The following SPAST variants were observed in gnomAD, a reference collection of about 807,000 sequenced individuals.
The protein encoded by SPAST is spastin, also known as spastic paraplegia 4 (autosomal dominant; spastin).
In SPAST, 30 loss-of-function variants were observed where a neutral mutation model predicts 76.6. The observed-to-expected ratio is 0.39, with a 90% confidence interval of 0.29 to 0.53. SPAST has a LOEUF of 0.53. SPAST is among the 20% of genes least tolerant of loss of function. The pLI, the probability that SPAST is intolerant of heterozygous loss-of-function variation, is 0.68. For missense variants in SPAST, 717 were observed against 770.5 expected, an observed-to-expected ratio of 0.93 and a Z score of 0.82; for synonymous variants, 305 against 281.0, an observed-to-expected ratio of 1.09 and a Z score of -0.86.
At chr2:32,088,207 T>G (rs570058375) in intron 2 of SPAST, among the ~76,000 whole-genome samples, 2 of 151,582 alleles carry the variant, frequency 1.3e-5, no homozygotes, top group Admixed American at 6.6e-5. Flanking sequence ...TTAAAAAAAA[T>G]TTTTTTGTAG....
Position 32,069,640 on chromosome 2 carries a change from C to A in SPAST, c.415+5394C>A, listed in dbSNP as rs571845603. On this transcript the variant is annotated intron_variant, in intron 1 of 16. Transcript: ENST00000315285. ...GGCGAGATCTCAGCTCGCTGCAAGC[C>A]CCGCCTCCCACGTTCACGCCATTTT... Among the ~76,000 whole-genome samples the A allele has an allele frequency of 2.0e-5, 3 of 151,512 alleles. No homozygotes were observed. In the South Asian group the frequency reaches 6.3e-4, roughly 32 times the overall value.
intron 12 of SPAST, among the ~76,000 whole-genome samples, chr2:32,138,861 T>C (rs1679625976): frequency 6.6e-6 from 1 of 152,180 alleles, no homozygotes; most frequent in Admixed American, 6.5e-5. Context: ...AGGGTCCAGT[T>C]TCATTTTTCT....
intron 1 of SPAST, among the ~76,000 whole-genome samples, 197 bp downstream of exon 1, chr2:32,064,443 A>G (rs1207846318): frequency 1.3e-5 from 2 of 152,120 alleles, no homozygotes; most frequent in Non-Finnish European, 2.9e-5. Flanking sequence ...CTTTCAGGGC[A>G]CTGTAGCTGT....
At chr2:32,108,656 G>A (rs1173079438) in intron 4 of SPAST, among the ~76,000 whole-genome samples, 1 of 151,260 alleles carries the variant, frequency 6.6e-6, no homozygotes, top group African/African-American at 2.4e-5. Flanking sequence ...TCCCCATGTT[G>A]GCCAGTCTGG....
intron 9 of SPAST, among the ~76,000 whole-genome samples, chr2:32,132,143 A>C (rs1356636351): frequency 6.6e-6 from 1 of 152,148 alleles, no homozygotes; most frequent in Non-Finnish European, 1.5e-5. Context: ...TAATCCCAGC[A>C]CTTTGGGAGG....
chr2:32,148,169 G>A (rs1442024478), intron 16 of SPAST, among the ~76,000 whole-genome samples: 1 of 151,890 alleles, frequency 6.6e-6, no homozygotes, highest in Non-Finnish European at 1.5e-5. Flanking sequence ...TTGGCCTCAA[G>A]TAATCCTCCT....
intron 1 of SPAST, among the ~76,000 whole-genome samples, chr2:32,077,025 G>A (rs1676989377): frequency 6.6e-6 from 1 of 152,042 alleles, no homozygotes; most frequent in Admixed American, 6.6e-5. Context: ...ACAGGCGCCT[G>A]CCACCATGCC....
chr2:32,154,033 A>C (rs1021979245), intron 16 of SPAST, among the ~76,000 whole-genome samples: 2 of 152,128 alleles, frequency 1.3e-5, no homozygotes, highest in African/African-American at 4.8e-5. Context: ...TGAGTGGTGA[A>C]ATTGTGATTC....
At chr2:32,125,003 C>G (rs902822700) in intron 7 of SPAST, among the ~76,000 whole-genome samples, 1 of 152,008 alleles carries the variant, frequency 6.6e-6, no homozygotes, top group African/African-American at 2.4e-5. Flanking sequence ...GAATATAAAA[C>G]ATAAGAGTGA....
chr2:32,102,711 G>T (rs995746753), intron 4 of SPAST, among the ~76,000 whole-genome samples: 1 of 152,078 alleles, frequency 6.6e-6, no homozygotes, highest in Non-Finnish European at 1.5e-5. Context: ...GGCCTTTTCT[G>T]CATCTATTGA....
At chr2:32,088,419 C>T (rs986948192) in intron 2 of SPAST, among the ~76,000 whole-genome samples, 15 of 151,952 alleles carry the variant, frequency 9.9e-5, no homozygotes, top group East Asian at 3.9e-4. Context: ...CCGAGGTGGG[C>T]GAATCACCTG....
In SPAST at chr2:32,117,260, A is replaced by G. The variant is rs184884241; in HGVS notation, c.1098+1048A>G. 1.8e-3 allele frequency among the ~76,000 whole-genome samples: 269 copies of G among 152,228 alleles called. 2 individuals carry two copies. Among genetic ancestry groups the G allele is most frequent in the Non-Finnish European group, 2.8e-3 (190 of 68,022 alleles). On this transcript the variant is annotated intron_variant, in intron 7 of 16. Coordinates refer to ENST00000315285, the MANE Select transcript of SPAST (RefSeq NM_014946.4). ...GAGCGAGACTCCGTCTCAAAAAAAT[A>G]AATAAAAATTTAAAAAGATAAATAC... is the stretch of plus-strand genomic sequence containing the variant.
At chr2:32,068,605 T>C (rs1676621503) in intron 1 of SPAST, among the ~76,000 whole-genome samples, 1 of 152,176 alleles carries the variant, frequency 6.6e-6, no homozygotes, top group African/African-American at 2.4e-5. Flanking sequence ...ATTACAGGTG[T>C]GAGCCACCGT....
At chr2:32,078,584 A>T (rs1337729472) in intron 1 of SPAST, among the ~76,000 whole-genome samples, 1 of 152,158 alleles carries the variant, frequency 6.6e-6, no homozygotes, top group African/African-American at 2.4e-5. Flanking sequence ...CAGAATTTCA[A>T]GGCTACAGTG....
At chr2:32,083,743 ATATATACTATATATAT>A (rs1677341156) in intron 1 of SPAST, among the ~76,000 whole-genome samples, 1 of 59,556 alleles carries the variant, frequency 1.7e-5, no homozygotes, top group Non-Finnish European at 3.1e-5. Context: ...ATATATATTT[ATATATACTATATATAT>A]ATATATATAT....
intron 13 of SPAST, among the ~76,000 whole-genome samples, chr2:32,142,637 CCG>C (rs1679756448): frequency 6.6e-6 from 1 of 151,846 alleles, no homozygotes; most frequent in Non-Finnish European, 1.5e-5. Context: ...ATGGTGTGAT[CCG>C]CCCTCCTCAG....
intron 9 of SPAST, among the ~76,000 whole-genome samples, chr2:32,136,142 T>C (rs566666017): frequency 6.6e-6 from 1 of 152,274 alleles, no homozygotes; most frequent in South Asian, 2.1e-4. Flanking sequence ...TTTCACGGTG[T>C]TCTTAATAGC....
chr2:32,083,777 T>TATATATA (rs1491356904), intron 1 of SPAST, among the ~76,000 whole-genome samples: 5 of 65,044 alleles, frequency 7.7e-5, no homozygotes, highest in South Asian at 1.1e-3. Context: ...TATATATATA[T>TATATATA]TTTTTTTTTT....
In SPAST at chr2:32,089,547, C is replaced by G. The variant is rs991409323; in HGVS notation, c.528C>G (p.Arg176=). ...GQGEQCERAR[R]LQAKMMTNLV... ...GTGAACAGTGTGAAAGAGCTAGACG[C>G]CTTCAAGCTAAAATGATGACTAATT... Residue 176 remains arginine, a synonymous_variant, in exon 3 of 17, where the codon CGC becomes CGG. Transcript: ENST00000315285. 4.4e-6 allele frequency: 7 copies of G among 1,601,272 alleles called. No homozygotes were observed. In the African/African-American group the frequency reaches 9.4e-5, roughly 21 times the overall value.
Sources: gnomAD v4.1 joint callset for allele counts (sites outside exome capture counted in the v4.1 genomes callset) on GRCh38, gnomAD v4.1.1 for gene constraint, MANE v1.5 for transcripts, NCBI Gene and HGNC (gene_info 2026-07-23, HGNC 2026-07-21) for gene names.